Variants in SEMA5A observed in about 807,000 individuals in gnomAD.
The protein encoded by SEMA5A is semaphorin 5A, also known as semaphorin-5A.
In SEMA5A, 55 loss-of-function variants were observed where a neutral mutation model predicts 135.5. That is an observed-to-expected ratio of 0.41 (90% CI 0.33 to 0.51). The LOEUF is 0.51. Among genes scored for constraint, SEMA5A ranks in the 20% least tolerant of loss-of-function variants. SEMA5A has a pLI of 0.37. For synonymous variants in SEMA5A, 580 were observed against 546.5 expected, an observed-to-expected ratio of 1.06 and a Z score of -0.85; for missense variants, 1,290 against 1,419.9, an observed-to-expected ratio of 0.91 and a Z score of 1.47.
At chr5:9,307,555 A>G (rs565332577) in intron 5 of SEMA5A, among the ~76,000 whole-genome samples, 11 of 151,550 alleles carry the variant, frequency 7.3e-5, no homozygotes, top group Non-Finnish European at 1.2e-4. Context: ...TAATTGGGAG[A>G]CAGCTTACAG....
At chr5:9,333,759 G>A (rs1469479481) in intron 4 of SEMA5A, among the ~76,000 whole-genome samples, 1 of 152,084 alleles carries the variant, frequency 6.6e-6, no homozygotes, top group Non-Finnish European at 1.5e-5. Flanking sequence ...GGAACAAATA[G>A]AAATCAAATA....
intron 16 of SEMA5A, among the ~76,000 whole-genome samples, chr5:9,103,611 T>C (rs1739745307): frequency 6.6e-6 from 1 of 152,202 alleles, no homozygotes; most frequent in Non-Finnish European, 1.5e-5. Context: ...CTTTACATGA[T>C]ATTTCAGTAA....
chr5:9,310,331 A>G (rs868095060), intron 5 of SEMA5A, among the ~76,000 whole-genome samples: 7 of 152,172 alleles, frequency 4.6e-5, no homozygotes, highest in Non-Finnish European at 7.4e-5. Context: ...ATGAATGGCT[A>G]TGTTCCAATA....
rs1414698277 is a variant in SEMA5A at position 9,108,243 on chromosome 5, G to C, written c.1970C>G (p.Thr657Arg). The C allele has an allele frequency of 6.2e-7, 1 of 1,614,166 alleles. No individual in the cohort carries two copies. The highest frequency in any genetic ancestry group is 1.1e-5 in the South Asian group (1 of 91,084). Residue 657 changes from threonine to arginine, a missense_variant, in exon 16 of 23, where the codon ACA (threonine) becomes AGA (arginine). Physicochemically the swap from Thr to Arg is moderately conservative, Grantham distance 71. Transcript: ENST00000382496. ...HLLCPPHMFW[T>R]GWGPWERCTA... ...GCACCGTTCCCAAGGACCCCAGCCT[G>C]TCCAGAACATGTGTGGGGGACATAG...
At chr5:9,145,700 G>A (rs1742293935) in intron 12 of SEMA5A, among the ~76,000 whole-genome samples, 1 of 144,624 alleles carries the variant, frequency 6.9e-6, no homozygotes, top group African/African-American at 2.6e-5. Context: ...GTGTAGTGGT[G>A]CAGTCTTGGC....
chr5:9,106,489 A>G (rs1021932143), intron 16 of SEMA5A, among the ~76,000 whole-genome samples: 1 of 152,166 alleles, frequency 6.6e-6, no homozygotes, highest in African/African-American at 2.4e-5. Flanking sequence ...AATGATGTGG[A>G]CTGTTCTCTG....
At chr5:9,240,934 G>A (rs1297903250) in intron 5 of SEMA5A, among the ~76,000 whole-genome samples, 3 of 152,052 alleles carry the variant, frequency 2.0e-5, no homozygotes, top group Non-Finnish European at 4.4e-5. Context: ...AACATTCATA[G>A]TCTCATTTCC....
At chr5:9,445,288 T>G (rs1214410403) in intron 1 of SEMA5A, among the ~76,000 whole-genome samples, 3 of 151,936 alleles carry the variant, frequency 2.0e-5, no homozygotes, top group African/African-American at 7.3e-5. Flanking sequence ...AGGAACCAGC[T>G]AATATTTGAT....
intron 1 of SEMA5A, among the ~76,000 whole-genome samples, chr5:9,499,254 A>T (rs944473611): frequency 1.3e-5 from 2 of 152,228 alleles, no homozygotes; most frequent in Admixed American, 1.3e-4. Context: ...CAATTTTTTA[A>T]GGAAAAACAT....
intron 1 of SEMA5A, among the ~76,000 whole-genome samples, chr5:9,523,857 T>A (rs1213320396): frequency 6.6e-6 from 1 of 152,244 alleles, no homozygotes; most frequent in Non-Finnish European, 1.5e-5. Context: ...AATTAGTGTC[T>A]GTCCCCTAAA....
At chr5:9,200,887 G>A (rs1745667960) in intron 9 of SEMA5A, among the ~76,000 whole-genome samples, 1 of 152,184 alleles carries the variant, frequency 6.6e-6, no homozygotes, top group South Asian at 2.1e-4. Flanking sequence ...ATCATAGGGT[G>A]ACCAGTTGTC....
intron 8 of SEMA5A, among the ~76,000 whole-genome samples, chr5:9,215,165 G>A (rs537100339): frequency 5.3e-5 from 8 of 152,316 alleles, no homozygotes; most frequent in Admixed American, 5.2e-4. Context: ...GAAACAAGAA[G>A]ACAACGCCAT....
At chr5:9,219,758 G>A (rs983782443) in intron 8 of SEMA5A, among the ~76,000 whole-genome samples, 2 of 152,124 alleles carry the variant, frequency 1.3e-5, no homozygotes, top group Non-Finnish European at 2.9e-5. Flanking sequence ...GTGATACTTT[G>A]TCATGGCATC....
chr5:9,466,435 A>G (rs1470833512), intron 1 of SEMA5A, among the ~76,000 whole-genome samples: 2 of 151,756 alleles, frequency 1.3e-5, no homozygotes, highest in African/African-American at 2.4e-5. Flanking sequence ...CATGCCTCAC[A>G]CTATCAACAT....
At chr5:9,112,377 A>C (rs1013214500) in intron 15 of SEMA5A, among the ~76,000 whole-genome samples, 1 of 152,232 alleles carries the variant, frequency 6.6e-6, no homozygotes, top group African/African-American at 2.4e-5. Flanking sequence ...CATTCTGGTT[A>C]GATCCATGCT....
At chr5:9,391,748 T>C (rs1421696293) in intron 2 of SEMA5A, among the ~76,000 whole-genome samples, 1 of 152,218 alleles carries the variant, frequency 6.6e-6, no homozygotes, top group Non-Finnish European at 1.5e-5. Flanking sequence ...TTTTCATTCA[T>C]GCCCCTCAAA....
At chr5:9,079,989 C>T (rs555318988) in intron 16 of SEMA5A, among the ~76,000 whole-genome samples, 33 of 152,202 alleles carry the variant, frequency 2.2e-4, no homozygotes, top group African/African-American at 6.0e-4. Flanking sequence ...GACAGTGTAG[C>T]GACTCCTCAA....
chr5:9,331,992 G>T (rs1489193919), intron 4 of SEMA5A, among the ~76,000 whole-genome samples: 1 of 152,240 alleles, frequency 6.6e-6, no homozygotes, highest in Non-Finnish European at 1.5e-5. Flanking sequence ...GTAATGGTAA[G>T]TCAAGGGGTT....
chr5:9,063,391 C>T (rs776797098), intron 17 of SEMA5A, among the ~76,000 whole-genome samples: 73 of 152,264 alleles, frequency 4.8e-4, no homozygotes, highest in African/African-American at 1.6e-3. Context: ...ATAGGTAGTT[C>T]GTTTACTTTT....
Sources: allele counts gnomAD v4.1 joint callset (sites outside exome capture counted in the v4.1 genomes callset), GRCh38; gene constraint gnomAD v4.1.1; transcripts MANE v1.5; gene names NCBI Gene and HGNC (gene_info 2026-07-23, HGNC 2026-07-21).